The following PDE3B variants were observed in gnomAD, a reference collection of about 807,000 sequenced individuals.
PDE3B encodes cGMP-inhibited 3',5'-cyclic phosphodiesterase 3B.
A neutral mutation model predicts 116.8 loss-of-function variants in PDE3B; 66 were observed. That is an observed-to-expected ratio of 0.56 (90% CI 0.46 to 0.69). PDE3B has a LOEUF of 0.69. Ranked by LOEUF, PDE3B falls within the 30% of genes least tolerant of loss-of-function variation. The pLI, the probability that PDE3B is intolerant of heterozygous loss-of-function variation, is 0.00. For synonymous variants in PDE3B, 595 were observed against 533.6 expected, an observed-to-expected ratio of 1.12 and a Z score of -1.59; for missense variants, 1,384 against 1,368.1, an observed-to-expected ratio of 1.01 and a Z score of -0.18.
intron 12 of PDE3B, among the ~76,000 whole-genome samples, chr11:14,849,612 A>G (rs11023363): frequency 1.4e-4 from 21 of 152,220 alleles, no homozygotes; most frequent in African/African-American, 5.1e-4. Flanking sequence ...AATATCCAGA[A>G]TCTACAATGA....
chr11:14,818,851 AC>A (rs1477738102), intron 6 of PDE3B, among the ~76,000 whole-genome samples: 4 of 152,156 alleles, frequency 2.6e-5, no homozygotes, highest in African/African-American at 4.8e-5. Context: ...CTACTTTAGT[AC>A]CTATTCATAG....
chr11:14,857,674 A>G (rs1208609349), intron 12 of PDE3B, among the ~76,000 whole-genome samples: 2 of 152,134 alleles, frequency 1.3e-5, no homozygotes, highest in Non-Finnish European at 2.9e-5. Flanking sequence ...TTCTTTGGCA[A>G]TTTCAAAGGG....
chr11:14,752,227 C>T (rs976242407), intron 1 of PDE3B, among the ~76,000 whole-genome samples: 5 of 152,154 alleles, frequency 3.3e-5, no homozygotes, highest in Non-Finnish European at 7.3e-5. Context: ...TGACTAAGAA[C>T]TTGGAGTGAC....
At chr11:14,856,813 C>T (rs1303409607) in intron 12 of PDE3B, among the ~76,000 whole-genome samples, 3 of 150,100 alleles carry the variant, frequency 2.0e-5, no homozygotes, top group Non-Finnish European at 4.4e-5. Flanking sequence ...GAGATCGCGC[C>T]ACTGCACTCT....
At chr11:14,807,601 CA>C (rs1274331462) in intron 5 of PDE3B, among the ~76,000 whole-genome samples, 2 of 151,962 alleles carry the variant, frequency 1.3e-5, no homozygotes, top group Non-Finnish European at 2.9e-5. Context: ...AAGAAACACA[CA>C]AAAAATAAAT....
chr11:14,667,864 G>T (rs866382963), intron 1 of PDE3B, among the ~76,000 whole-genome samples: 24 of 150,864 alleles, frequency 1.6e-4, no homozygotes, highest in South Asian at 6.3e-4. Context: ...AATAATAAAA[G>T]AATTTTTGTC....
chr11:14,748,388 AT>A (rs1856970072), intron 1 of PDE3B, among the ~76,000 whole-genome samples: 2 of 152,352 alleles, frequency 1.3e-5, no homozygotes, highest in East Asian at 3.9e-4. Flanking sequence ...GTATTTTTAA[AT>A]CATTCTCAGA....
At chr11:14,674,221 T>A (rs1406945054) in intron 1 of PDE3B, 50 of 1,243,942 alleles carry the variant, frequency 4.0e-5, no homozygotes, top group Non-Finnish European at 3.5e-6. Context: ...CTGTTTGTTC[T>A]TTTTTGTTTT....
intron 4 of PDE3B, among the ~76,000 whole-genome samples, chr11:14,799,738 T>A (rs1353778797): frequency 6.6e-6 from 1 of 150,716 alleles, no homozygotes; most frequent in Non-Finnish European, 1.5e-5. Context: ...TTATCAGAGA[T>A]TAGGACTGCA....
intron 12 of PDE3B, among the ~76,000 whole-genome samples, chr11:14,844,828 G>A (rs1239466373): frequency 6.6e-6 from 1 of 152,250 alleles, no homozygotes; most frequent in African/African-American, 2.4e-5. Flanking sequence ...AAACAAAGCA[G>A]CTGGGAAGCT....
intron 12 of PDE3B, among the ~76,000 whole-genome samples, chr11:14,848,693 T>C (rs1037526218): frequency 2.0e-5 from 3 of 152,196 alleles, no homozygotes; most frequent in East Asian, 3.9e-4. Flanking sequence ...TATACACCAA[T>C]AACAGACAAA....
chr11:14,780,835 T>C (rs1857969746), intron 2 of PDE3B, among the ~76,000 whole-genome samples: 1 of 151,824 alleles, frequency 6.6e-6, no homozygotes, highest in African/African-American at 2.4e-5. Context: ...CTGAAGGAGA[T>C]AGAGACACAA....
intron 5 of PDE3B, among the ~76,000 whole-genome samples, chr11:14,817,802 T>C (rs906608130): frequency 2.0e-5 from 3 of 152,188 alleles, no homozygotes; most frequent in Non-Finnish European, 4.4e-5. Flanking sequence ...CAATAAAATT[T>C]GGTAGAGATG....
In PDE3B at chr11:14,830,721, A is replaced by G; in HGVS notation, c.1831A>G (p.Lys611Glu). The change falls in exon 8 of 16, where the codon AAA becomes GAA. Residue 611 changes from lysine (K) to glutamate (E), a missense_variant. Around this residue, in one of 2 missense-constraint regions of PDE3B, gnomAD observed 956 missense variants for 806.8 expected, o/e 1.18. Coordinates refer to ENST00000282096, the MANE Select transcript of PDE3B (RefSeq NM_000922.4). ...AGGTGAAGAAGAAAACATTTTCTCG[A>G]AAGAATCATTCAAACTTATGGAAAC... ...KSGEEENIFS[K>E]ESFKLMETQQ... 1.4e-6 allele frequency: 2 copies of G among 1,478,244 alleles called. No individual in the cohort carries two copies. 91.6% of individuals were successfully genotyped at this position (1,478,244 alleles called of 1,614,324 possible).
chr11:14,663,579 A>C (rs896773693), intron 1 of PDE3B, among the ~76,000 whole-genome samples: 29 of 152,232 alleles, frequency 1.9e-4, no homozygotes, highest in Admixed American at 1.0e-3. Flanking sequence ...AGGAAGATCT[A>C]CCAAGCCAAT....
the PDE3B span, among the ~76,000 whole-genome samples, chr11:14,894,675 T>A: frequency 6.6e-6 from 1 of 151,968 alleles, no homozygotes; most frequent in Non-Finnish European, 1.5e-5. Context: ...CCACCACAGC[T>A]CCCCTTGAGA....
chr11:14,652,493 A>T (rs1300096450), intron 1 of PDE3B, among the ~76,000 whole-genome samples: 1 of 152,022 alleles, frequency 6.6e-6, no homozygotes, highest in African/African-American at 2.4e-5. Context: ...GAATTTTAGG[A>T]TGAATTTTTC....
chr11:14,805,531 A>G (rs1384896954), intron 5 of PDE3B, among the ~76,000 whole-genome samples: 1 of 152,258 alleles, frequency 6.6e-6, no homozygotes, highest in African/African-American at 2.4e-5. Flanking sequence ...TCAAGTCATT[A>G]TGTTGTACAC....
At chr11:14,712,943 G>A (rs1292299564) in intron 1 of PDE3B, among the ~76,000 whole-genome samples, 1 of 152,156 alleles carries the variant, frequency 6.6e-6, no homozygotes, top group Non-Finnish European at 1.5e-5. Context: ...GTTATACCTT[G>A]TGCCATGATT....
Sources: allele counts gnomAD v4.1 joint callset (sites outside exome capture counted in the v4.1 genomes callset), GRCh38; gene constraint gnomAD v4.1.1; regional missense constraint gnomAD v4.1.1; transcripts MANE v1.5; gene names NCBI Gene and HGNC (gene_info 2026-07-23, HGNC 2026-07-21).